The following TUSC3 variants were observed in gnomAD, a reference collection of about 807,000 sequenced individuals.
TUSC3 encodes the protein tumor suppressor candidate 3.
Under a neutral mutation model 44.8 loss-of-function variants are expected in TUSC3, and 45 were observed. The ratio of observed to expected loss-of-function variants is 1.00; its 90% CI spans 0.79 to 1.29. The LOEUF is 1.29. Among genes scored for constraint, TUSC3 ranks in the 50% most tolerant of loss-of-function variants. The pLI is 0.00. For missense variants in TUSC3, 519 were observed against 437.9 expected, an observed-to-expected ratio of 1.19 and a Z score of -1.65; for synonymous variants, 212 against 152.9, an observed-to-expected ratio of 1.39 and a Z score of -2.85.
At chr8:15,563,703 A>AAAAAAAAAAAAAAAAAAAC (rs1802564679) in intron 1 of TUSC3, among the ~76,000 whole-genome samples, 1 of 151,266 alleles carries the variant, frequency 6.6e-6, no homozygotes, top group Non-Finnish European at 1.5e-5. Context: ...AAAAAAAAAA[A>AAAAAAAAAAAAAAAAAAAC]AAGAACAACC....
chr8:15,480,068 CAATACCTAGG>C (rs1800637526), intron 1 of TUSC3, among the ~76,000 whole-genome samples: 1 of 151,982 alleles, frequency 6.6e-6, no homozygotes, highest in African/African-American at 2.4e-5. Flanking sequence ...AAAGAGAATA[CAATACCTAGG>C]AATACAGCTA....
At chr8:15,612,505 A>G (rs1212850040) in intron 1 of TUSC3, among the ~76,000 whole-genome samples, 8 of 152,214 alleles carry the variant, frequency 5.3e-5, no homozygotes, top group Non-Finnish European at 7.3e-5. Flanking sequence ...ATGTGAATTG[A>G]GAAAAAATGG....
chr8:15,641,473 G>T (rs1407307534), intron 2 of TUSC3, among the ~76,000 whole-genome samples: 1 of 152,170 alleles, frequency 6.6e-6, no homozygotes, highest in Non-Finnish European at 1.5e-5. Flanking sequence ...TTTGGGTCTG[G>T]TGCAGAGAGT....
intron 1 of TUSC3, among the ~76,000 whole-genome samples, chr8:15,464,798 C>T (rs893358220): frequency 6.6e-6 from 1 of 152,128 alleles, no homozygotes; most frequent in Admixed American, 6.6e-5. Context: ...CATAATGGCT[C>T]TTCTTTCCTG....
At chr8:15,419,964 A>T (rs1297950189) in intron 1 of TUSC3, among the ~76,000 whole-genome samples, 1 of 152,180 alleles carries the variant, frequency 6.6e-6, no homozygotes, top group Non-Finnish European at 1.5e-5. Context: ...GAAATCAGTG[A>T]GTAAAGGACA....
At chr8:15,591,929 A>G (rs62504253) in intron 1 of TUSC3, among the ~76,000 whole-genome samples, 31,325 of 152,158 alleles carry the variant, frequency 0.21, 3,982 homozygotes, top group Non-Finnish European at 0.29. Context: ...TAAAGTAATT[A>G]CTCTTCCACT....
At chr8:15,494,246 G>A (rs1438608883) in intron 2 of TUSC3, among the ~76,000 whole-genome samples, 1 of 151,644 alleles carries the variant, frequency 6.6e-6, no homozygotes, top group Non-Finnish European at 1.5e-5. Flanking sequence ...TCTAAATGGT[G>A]TGAGTGACAT....
the TUSC3 span, among the ~76,000 whole-genome samples, chr8:15,830,301 T>C: frequency 1.6e-4 from 25 of 152,314 alleles, no homozygotes; most frequent in South Asian, 1.0e-3. Flanking sequence ...AGTCTCATTT[T>C]TCTATGCTTG....
chr8:15,727,097 C>T (rs1810526757), intron 6 of TUSC3, among the ~76,000 whole-genome samples: 1 of 152,120 alleles, frequency 6.6e-6, no homozygotes, highest in South Asian at 2.1e-4. Flanking sequence ...CTTTAGCTTT[C>T]AGGGAATTCA....
At chr8:15,539,284 G>A (rs191566378), upstream of TUSC3, among the ~76,000 whole-genome samples, 2 of 149,504 alleles carry the variant, frequency 1.3e-5, no homozygotes, top group East Asian at 2.0e-4. Flanking sequence ...TAAAAACCAT[G>A]ATGCATTAGA....
intron 2 of TUSC3, among the ~76,000 whole-genome samples, chr8:15,516,038 A>C (rs1363827303): frequency 1.3e-5 from 2 of 152,136 alleles, no homozygotes; most frequent in Non-Finnish European, 2.9e-5. Context: ...TATTGTGTGA[A>C]ATTATCCTCA....
At chr8:15,446,377 G>A (rs1381708496) in intron 1 of TUSC3, among the ~76,000 whole-genome samples, 1 of 152,012 alleles carries the variant, frequency 6.6e-6, no homozygotes, top group Admixed American at 6.6e-5. Context: ...CAAGGCAGGT[G>A]GCTGGGAGGT....
chr8:15,825,219 A>C, the TUSC3 span, among the ~76,000 whole-genome samples: 1 of 152,090 alleles, frequency 6.6e-6, no homozygotes, highest in Admixed American at 6.6e-5. Flanking sequence ...GCTGTGTGTT[A>C]GTTCTCATGC....
chr8:15,800,411 A>G, the TUSC3 span, among the ~76,000 whole-genome samples: 300 of 152,092 alleles, frequency 2.0e-3, no homozygotes, highest in Admixed American at 6.5e-3. Flanking sequence ...CGTATCTACA[A>G]AAAATACACA....
the TUSC3 span, among the ~76,000 whole-genome samples, chr8:15,840,580 AG>A: frequency 6.6e-6 from 1 of 152,178 alleles, no homozygotes. Context: ...AAGAGAAAAA[AG>A]GATGGTAGGT....
At chr8:15,548,023 T>C (rs1453504692) in intron 1 of TUSC3, among the ~76,000 whole-genome samples, 1 of 151,574 alleles carries the variant, frequency 6.6e-6, no homozygotes, top group Non-Finnish European at 1.5e-5. Flanking sequence ...TGTGAGAAGA[T>C]AGCAATGTGA....
At chr8:15,459,054 A>G (rs143056688) in intron 1 of TUSC3, among the ~76,000 whole-genome samples, 2,732 of 152,234 alleles carry the variant, frequency 0.018, 87 homozygotes, top group African/African-American at 0.062. Flanking sequence ...AAATGTTCTG[A>G]ATTTGACAGT....
chr8:15,615,353 A>C (rs1804943970), intron 1 of TUSC3, among the ~76,000 whole-genome samples: 2 of 152,234 alleles, frequency 1.3e-5, no homozygotes, highest in Admixed American at 1.3e-4. Flanking sequence ...GAAGTAAGTC[A>C]GGCACAAAAA....
At chr8:15,689,762 A>C (rs953093837) in intron 6 of TUSC3, among the ~76,000 whole-genome samples, 1 of 151,348 alleles carries the variant, frequency 6.6e-6, no homozygotes, top group Non-Finnish European at 1.5e-5. Context: ...ATCCAACTCC[A>C]TTCATGTTTC....
Sources: allele counts gnomAD v4.1 joint callset (sites outside exome capture counted in the v4.1 genomes callset), GRCh38; gene constraint gnomAD v4.1.1; transcripts MANE v1.5; gene names NCBI Gene and HGNC (gene_info 2026-07-23, HGNC 2026-07-21).